The following PCDHGB2 variants were observed in gnomAD, a reference collection of about 807,000 sequenced individuals.
PCDHGB2 encodes protocadherin gamma-B2.
A neutral mutation model predicts 59.3 loss-of-function variants in PCDHGB2; 55 were observed. That is an observed-to-expected ratio of 0.93 (90% confidence interval 0.75 to 1.16). PCDHGB2 has a LOEUF of 1.16. Ranked by LOEUF, PCDHGB2 falls within the 50% of genes most tolerant of loss-of-function variation. The pLI is 0.00. For synonymous variants in PCDHGB2, 516 were observed against 512.0 expected, an observed-to-expected ratio of 1.01 and a Z score of -0.11; for missense variants, 1,228 against 1,198.5, an observed-to-expected ratio of 1.02 and a Z score of -0.36.
chr5:141,499,563 A>C (rs979866448), intron 2 of PCDHGB2, among the ~76,000 whole-genome samples: 3 of 152,242 alleles, frequency 2.0e-5, no homozygotes, highest in Non-Finnish European at 2.9e-5. Context: ...ACCACTATCC[A>C]GCTTCAACTA....
intron 1 of PCDHGB2, chr5:141,478,576 G>T (rs543160289): frequency 5.0e-6 from 8 of 1,585,598 alleles, no homozygotes; most frequent in Non-Finnish European, 6.9e-6. Flanking sequence ...GCTTGACCCT[G>T]TTAGTGCTTT....
At chr5:141,375,731 C>G in intron 1 of PCDHGB2, 2 of 1,614,256 alleles carry the variant, frequency 1.2e-6, no homozygotes, top group Non-Finnish European at 1.7e-6. Context: ...GTCACTGAGC[C>G]TGTTTGTGCT....
At chr5:141,382,105 G>A (rs1265846285) in intron 1 of PCDHGB2, among the ~76,000 whole-genome samples, 7 of 152,166 alleles carry the variant, frequency 4.6e-5, no homozygotes, top group African/African-American at 1.7e-4. Flanking sequence ...TGGGATTACA[G>A]GCGTGAGCAA....
At chr5:141,384,748 T>C in intron 1 of PCDHGB2, 1 of 1,613,966 alleles carries the variant, frequency 6.2e-7, no homozygotes, top group African/African-American at 1.3e-5. Flanking sequence ...GCCAGGACTC[T>C]TTGCGGTTGG....
chr5:141,392,911 A>G (rs1416480997), intron 1 of PCDHGB2: 1 of 1,613,712 alleles, frequency 6.2e-7, no homozygotes, highest in African/African-American at 1.3e-5. Context: ...CAGATTCGCT[A>G]CTCTGTGCCA....
At chr5:141,470,694 A>T (rs763715272) in intron 1 of PCDHGB2, among the ~76,000 whole-genome samples, 1 of 151,978 alleles carries the variant, frequency 6.6e-6, no homozygotes, top group African/African-American at 2.4e-5. Flanking sequence ...GAAATTCTTA[A>T]TAATTTTTAT....
At chr5:141,375,133 A>G in intron 1 of PCDHGB2, 2 of 1,613,958 alleles carry the variant, frequency 1.2e-6, no homozygotes, top group Non-Finnish European at 1.7e-6. Flanking sequence ...TGGTTGTTAC[A>G]TCTGGAAGCA....
intron 1 of PCDHGB2, chr5:141,372,263 G>C (rs373583904): frequency 3.1e-6 from 5 of 1,613,110 alleles, no homozygotes; most frequent in South Asian, 1.1e-5. Flanking sequence ...GCCTGCGCAC[G>C]GGTGAGGTGC....
intron 1 of PCDHGB2, chr5:141,383,616 G>A (rs750574958): frequency 2.5e-6 from 4 of 1,613,808 alleles, no homozygotes; most frequent in Non-Finnish European, 3.4e-6. Flanking sequence ...ATGACCACAC[G>A]CCTGTCTTCT....
At position 141,399,929 on chromosome 5, in the gene PCDHGB2, C is replaced by T. The variant is rs746168026; in HGVS notation, c.2421+37373C>T. 15 of 1,612,262 alleles carry T rather than the reference C, an allele frequency of 9.3e-6. No homozygotes were observed. The African/African-American group carries it at 1.1e-4, about 11-fold the overall frequency. On this transcript the variant is annotated intron_variant, in intron 1 of 3. Coordinates refer to ENST00000522605, the MANE Select transcript of PCDHGB2 (RefSeq NM_018923.3). ...GACTCAGGACACAACGCCTGGCTGT[C>T]CTACCACGTGCTGCAGGCTAGCGAG...
In PCDHGB2 at chr5:141,432,068, C is replaced by G. The variant is rs1297096209; in HGVS notation, c.2422-62739C>G. ...AACCCCGCCCCTATCCACGGAAACT[C>G]ATATCTCGCTGAACGTGGCAGACAC... On this transcript the variant is annotated intron_variant, in intron 1 of 3. Transcript: ENST00000522605. The surrounding 1 kb of genome is among the most constrained non-coding windows in gnomAD (Gnocchi z 6.0). 6.2e-7 allele frequency: 1 copy of G among 1,614,210 alleles called. No individual in the cohort carries two copies. The highest frequency in any genetic ancestry group is 1.7e-5 in the Admixed American group (1 of 60,028).
intron 1 of PCDHGB2, among the ~76,000 whole-genome samples, chr5:141,396,987 T>C (rs2093462210): frequency 6.6e-6 from 1 of 152,232 alleles, no homozygotes; most frequent in Admixed American, 6.5e-5. Context: ...GCTAGTTGTT[T>C]TTATTAATCT....
At position 141,477,020 on chromosome 5, in the gene PCDHGB2, G is replaced by A; in HGVS notation, c.2422-17787G>A. The A allele has an allele frequency of 6.2e-7, 1 of 1,614,224 alleles. No individual in the cohort carries two copies. Among genetic ancestry groups the A allele is most frequent in the Non-Finnish European group, 8.5e-7 (1 of 1,180,048 alleles). ...ACTATTCGCCTTAGACCTTGTAACC[G>A]GGATGCTGACAATCAAGGGTCGGCT... On this transcript the variant is annotated intron_variant, in intron 1 of 3. Transcript: ENST00000522605. This position sits in a 1 kb window ranked among gnomAD's most constrained non-coding sequence, Gnocchi z 4.9.
intron 1 of PCDHGB2, chr5:141,468,629 G>A (rs1170355107): frequency 1.3e-5 from 2 of 152,140 alleles, no homozygotes; most frequent in African/African-American, 4.8e-5. Flanking sequence ...CACTTTGGGA[G>A]GCCGAGGTGG....
rs1247382831 is a variant in PCDHGB2 at position 141,388,673 on chromosome 5, G to A, written c.2421+26117G>A. On this transcript the variant is annotated intron_variant, in intron 1 of 3. Transcript: ENST00000522605. ...TGTACCCGGGGACCACGGTGCTACA[G>A]GTGACTGCCACGGACCAGGATGAGG... The A allele has an allele frequency of 2.5e-6, 4 of 1,613,942 alleles. No homozygotes were observed. In the South Asian group the frequency reaches 3.3e-5, roughly 13 times the overall value.
chr5:141,404,407 T>C, intron 1 of PCDHGB2: 1 of 1,613,944 alleles, frequency 6.2e-7, no homozygotes, highest in East Asian at 2.2e-5. Flanking sequence ...ATGAGAATTC[T>C]AGAGTTATTT....
chr5:141,400,020 G>A (rs1589396224), intron 1 of PCDHGB2: 1 of 1,612,942 alleles, frequency 6.2e-7, no homozygotes, highest in South Asian at 1.1e-5. Context: ...TGGGCGACAG[G>A]GACGCGGCCC....
intron 1 of PCDHGB2, chr5:141,392,827 A>G: frequency 2.5e-6 from 4 of 1,601,944 alleles, no homozygotes; most frequent in Non-Finnish European, 3.4e-6. Flanking sequence ...GCCGCTCCAC[A>G]GAGTCGCCCC....
At chr5:141,366,360 G>C in intron 1 of PCDHGB2, 4 of 1,614,024 alleles carry the variant, frequency 2.5e-6, no homozygotes, top group Non-Finnish European at 3.4e-6. Flanking sequence ...GACCTAGGCA[G>C]TATCAAGACC....
Sources: allele counts gnomAD v4.1 joint callset (sites outside exome capture counted in the v4.1 genomes callset), GRCh38; gene constraint gnomAD v4.1.1; non-coding constraint Gnocchi (gnomAD v3.1); transcripts MANE v1.5; gene names NCBI Gene and HGNC (gene_info 2026-07-23, HGNC 2026-07-21).